GRID2: variants seen among roughly 807,000 people sequenced by gnomAD.
The protein encoded by GRID2 is glutamate ionotropic receptor delta type subunit 2, also known as glutamate receptor ionotropic, delta-2.
GRID2 carries 33 observed loss-of-function variants against 114.8 expected under a neutral mutation model. The observed-to-expected ratio is 0.29, with a 90% CI of 0.22 to 0.38. GRID2 has a LOEUF of 0.38. Among genes scored for constraint, GRID2 ranks in the 10% least tolerant of loss-of-function variants. GRID2 has a pLI of 1.00. For missense variants in GRID2, 1,184 were observed against 1,257.7 expected, an observed-to-expected ratio of 0.94 and a Z score of 0.89; for synonymous variants, 505 against 449.9, an observed-to-expected ratio of 1.12 and a Z score of -1.55.
intron 13 of GRID2, among the ~76,000 whole-genome samples, chr4:93,588,772 T>A (rs1209661187): frequency 6.6e-6 from 1 of 152,182 alleles, no homozygotes; most frequent in African/African-American, 2.4e-5. Flanking sequence ...TGTTTAAAAA[T>A]ACTTGCATTC....
intron 4 of GRID2, among the ~76,000 whole-genome samples, chr4:93,131,195 C>A (rs1342800514): frequency 2.3e-5 from 3 of 130,352 alleles, no homozygotes; most frequent in Non-Finnish European, 4.6e-5. Context: ...CGCTGTGTCA[C>A]CAGGCTGGAG....
intron 2 of GRID2, among the ~76,000 whole-genome samples, chr4:92,825,402 T>A (rs1741624875): frequency 6.6e-6 from 1 of 152,168 alleles, no homozygotes; most frequent in East Asian, 1.9e-4. Context: ...TCAGTTGTGC[T>A]ATGGCACCGA....
intron 8 of GRID2, among the ~76,000 whole-genome samples, chr4:93,265,833 T>C (rs879314889): frequency 1.3e-5 from 2 of 152,202 alleles, no homozygotes; most frequent in Non-Finnish European, 2.9e-5. Flanking sequence ...ATGAAAAATA[T>C]GGCAGACTAG....
chr4:92,346,491 A>G (rs933234496), intron 1 of GRID2, among the ~76,000 whole-genome samples: 1 of 151,960 alleles, frequency 6.6e-6, no homozygotes, highest in African/African-American at 2.4e-5. Flanking sequence ...CAGCCCCCAC[A>G]AGTAGCTGGA....
chr4:93,240,596 A>G (rs78907836), intron 8 of GRID2, among the ~76,000 whole-genome samples: 9,448 of 151,330 alleles, frequency 0.062, 528 homozygotes, highest in African/African-American at 0.15. Flanking sequence ...GTATCTTTAA[A>G]TTTAGAGGAA....
intron 2 of GRID2, among the ~76,000 whole-genome samples, chr4:92,851,865 A>G (rs529908151): frequency 1.3e-5 from 2 of 152,164 alleles, no homozygotes; most frequent in East Asian, 3.9e-4. Flanking sequence ...TTCACAAAAC[A>G]GGAATGAATC....
intron 14 of GRID2, among the ~76,000 whole-genome samples, chr4:93,665,417 G>A (rs1233267354): frequency 1.3e-5 from 2 of 152,114 alleles, no homozygotes; most frequent in Admixed American, 6.5e-5. Flanking sequence ...TTTGTTTTAT[G>A]TGGGGTAGTG....
At position 92,828,287 on chromosome 4, in the gene GRID2, G is replaced by A. The variant is rs577961098; in HGVS notation, c.244+238001G>A. On this transcript the variant is annotated intron_variant, in intron 2 of 15. Coordinates refer to ENST00000282020, the MANE Select transcript of GRID2 (RefSeq NM_001510.4). The stretch of plus-strand genomic sequence containing the variant: ...GTTAAATTTATTCAGAATTCATAAT[G>A]ACTTTATTGTAGAAATCTGCGAATA... 5.9e-5 allele frequency among the ~76,000 whole-genome samples: 9 copies of A among 152,170 alleles called. No homozygotes were observed. In the South Asian group the frequency reaches 1.0e-3, roughly 18 times the overall value.
chr4:93,435,017 T>C (rs2149384737), intron 10 of GRID2, among the ~76,000 whole-genome samples: 1 of 152,278 alleles, frequency 6.6e-6, no homozygotes, highest in South Asian at 2.1e-4. Flanking sequence ...ATTGCCACCC[T>C]CTTCAAAAGA....
At chr4:93,073,664 G>GA (rs1280850770) in intron 2 of GRID2, among the ~76,000 whole-genome samples, 1 of 152,102 alleles carries the variant, frequency 6.6e-6, no homozygotes, top group Admixed American at 6.5e-5. Flanking sequence ...GGGGAAGGGG[G>GA]AAAAATCCTC....
intron 1 of GRID2, among the ~76,000 whole-genome samples, chr4:92,411,221 G>T (rs1370889140): frequency 6.6e-6 from 1 of 152,124 alleles, no homozygotes; most frequent in Non-Finnish European, 1.5e-5. Flanking sequence ...TACGTGAACT[G>T]CTTTCATTTG....
chr4:92,923,598 C>G (rs956198537), intron 2 of GRID2, among the ~76,000 whole-genome samples: 2 of 151,910 alleles, frequency 1.3e-5, no homozygotes, highest in Non-Finnish European at 2.9e-5. Flanking sequence ...TAAAAGCCAA[C>G]CAAAAATGAC....
intron 1 of GRID2, among the ~76,000 whole-genome samples, chr4:92,431,256 G>A (rs946733431): frequency 1.3e-5 from 2 of 152,060 alleles, no homozygotes; most frequent in African/African-American, 2.4e-5. Context: ...TATATGGCTT[G>A]TATTGTATTG....
chr4:92,483,620 T>G (rs1722721153), intron 1 of GRID2, among the ~76,000 whole-genome samples: 1 of 152,064 alleles, frequency 6.6e-6, no homozygotes, highest in South Asian at 2.1e-4. Flanking sequence ...GCAATCAGAT[T>G]TCAGAATGTG....
chr4:92,878,961 C>G (rs865911156), intron 2 of GRID2, among the ~76,000 whole-genome samples: 46 of 152,186 alleles, frequency 3.0e-4, no homozygotes, highest in African/African-American at 1.1e-3. Flanking sequence ...CGTTTTGCTG[C>G]TCACCAAGCT....
At chr4:93,084,204 C>G (rs952058394) in intron 2 of GRID2, among the ~76,000 whole-genome samples, 1 of 151,952 alleles carries the variant, frequency 6.6e-6, no homozygotes, top group Non-Finnish European at 1.5e-5. Flanking sequence ...TATACAATTT[C>G]TTTACATTTA....
intron 1 of GRID2, among the ~76,000 whole-genome samples, chr4:92,533,354 A>C (rs902438940): frequency 2.0e-5 from 3 of 152,086 alleles, no homozygotes; most frequent in Non-Finnish European, 4.4e-5. Context: ...GCTTTTGTCC[A>C]AGAAAAAAAA....
At chr4:93,570,312 C>T (rs957774941) in intron 13 of GRID2, among the ~76,000 whole-genome samples, 1 of 152,100 alleles carries the variant, frequency 6.6e-6, no homozygotes, top group East Asian at 1.9e-4. Context: ...CCTCATTCAG[C>T]CTCACTGTTG....
chr4:93,187,457 G>A (rs923689092), intron 4 of GRID2, among the ~76,000 whole-genome samples: 4 of 151,966 alleles, frequency 2.6e-5, no homozygotes, highest in Non-Finnish European at 5.9e-5. Flanking sequence ...TGTGTTTTTA[G>A]TAGAGACAGG....
Sources: allele counts gnomAD v4.1 joint callset (sites outside exome capture counted in the v4.1 genomes callset), GRCh38; gene constraint gnomAD v4.1.1; transcripts MANE v1.5; gene names NCBI Gene and HGNC (gene_info 2026-07-23, HGNC 2026-07-21).